Variants in CAMKMT observed in about 807,000 individuals in gnomAD.
The protein encoded by CAMKMT is CaM KMT.
A neutral mutation model predicts 48.0 loss-of-function variants in CAMKMT; 53 were observed. The ratio of observed to expected loss-of-function variants is 1.10; its 90% CI spans 0.89 to 1.39. CAMKMT has a LOEUF of 1.39. Among genes scored for constraint, CAMKMT ranks in the 40% most tolerant of loss-of-function variants. CAMKMT has a pLI of 0.00. For synonymous variants in CAMKMT, 165 were observed against 152.3 expected (o/e 1.08, Z -0.61); for missense variants, 428 against 402.7 (o/e 1.06, Z -0.54).
intron 3 of CAMKMT, among the ~76,000 whole-genome samples, chr2:44,563,050 A>G (rs918065039): frequency 2.0e-5 from 3 of 152,218 alleles, no homozygotes; most frequent in Non-Finnish European, 4.4e-5. Flanking sequence ...CTCCTATGCC[A>G]TAACTAGTGT....
At chr2:44,691,834 G>A (rs1229405919) in intron 3 of CAMKMT, among the ~76,000 whole-genome samples, 6 of 151,998 alleles carry the variant, frequency 3.9e-5, no homozygotes, top group Non-Finnish European at 8.8e-5. Context: ...CAGCATCAAC[G>A]TTCCATAAAT....
chr2:44,733,461 C>T (rs1363406218), intron 7 of CAMKMT, among the ~76,000 whole-genome samples: 1 of 152,082 alleles, frequency 6.6e-6, no homozygotes, highest in African/African-American at 2.4e-5. Flanking sequence ...CAGAAAGGGA[C>T]TGTAATCTCC....
chr2:44,629,779 A>G (rs557548397), intron 3 of CAMKMT, among the ~76,000 whole-genome samples: 66 of 152,334 alleles, frequency 4.3e-4, no homozygotes, highest in Admixed American at 9.8e-4. Context: ...TTCTATGCTC[A>G]CGGGTAGGAA....
intron 3 of CAMKMT, among the ~76,000 whole-genome samples, chr2:44,523,332 G>C (rs187656856): frequency 2.7e-5 from 4 of 146,492 alleles, no homozygotes; most frequent in African/African-American, 1.0e-4. Context: ...TCACTCTGTC[G>C]CCCAGGGTAT....
chr2:44,581,266 T>A (rs576192559), intron 3 of CAMKMT, among the ~76,000 whole-genome samples: 3 of 152,352 alleles, frequency 2.0e-5, no homozygotes, highest in Admixed American at 1.3e-4. Flanking sequence ...TGTATATAGC[T>A]GTTTATCATG....
intron 3 of CAMKMT, among the ~76,000 whole-genome samples, chr2:44,627,945 C>T (rs1479238107): frequency 6.6e-6 from 1 of 151,850 alleles, no homozygotes; most frequent in Non-Finnish European, 1.5e-5. Context: ...GGTGATCCAC[C>T]CACCTTCTCG....
intron 7 of CAMKMT, among the ~76,000 whole-genome samples, chr2:44,717,195 C>A (rs974152331): frequency 1.3e-5 from 2 of 152,132 alleles, no homozygotes; most frequent in Non-Finnish European, 2.9e-5. Context: ...GACATATAGA[C>A]TATATGTCAA....
intron 3 of CAMKMT, among the ~76,000 whole-genome samples, chr2:44,559,494 A>G (rs115952967): frequency 6.4e-4 from 97 of 152,204 alleles, no homozygotes; most frequent in African/African-American, 2.1e-3. Flanking sequence ...GACAACTCTC[A>G]TGGCTTTTGT....
At chr2:44,619,874 T>C (rs185098794) in intron 3 of CAMKMT, among the ~76,000 whole-genome samples, 2 of 152,340 alleles carry the variant, frequency 1.3e-5, no homozygotes, top group African/African-American at 4.8e-5. Context: ...ACTCATGTTT[T>C]CAAAGTGGAT....
intron 1 of CAMKMT, among the ~76,000 whole-genome samples, chr2:44,371,600 A>G (rs190577303): frequency 5.3e-5 from 8 of 152,360 alleles, no homozygotes; most frequent in Admixed American, 5.2e-4. Context: ...ATATAAAGCT[A>G]GAGAGAACAA....
At chr2:44,534,818 C>T (rs1374325787) in intron 3 of CAMKMT, among the ~76,000 whole-genome samples, 1 of 120,672 alleles carries the variant, frequency 8.3e-6, no homozygotes, top group Non-Finnish European at 2.0e-5. Context: ...CCTCAAGGAA[C>T]TTGAAAAGCA....
chr2:44,664,244 A>G (rs776515636), intron 3 of CAMKMT, among the ~76,000 whole-genome samples: 1 of 152,250 alleles, frequency 6.6e-6, no homozygotes, highest in African/African-American at 2.4e-5. Flanking sequence ...CTCTAAGACT[A>G]TACTTTTATG....
intron 3 of CAMKMT, among the ~76,000 whole-genome samples, chr2:44,674,446 A>C (rs1015911940): frequency 6.6e-6 from 1 of 152,186 alleles, no homozygotes; most frequent in Non-Finnish European, 1.5e-5. Context: ...GGGTTCGAAA[A>C]ATGTTAAATA....
chr2:44,375,960 G>T (rs1031632526), intron 2 of CAMKMT, among the ~76,000 whole-genome samples: 2 of 151,706 alleles, frequency 1.3e-5, no homozygotes, highest in African/African-American at 4.8e-5. Context: ...TAATTTTTTT[G>T]TATATTTAAT....
At chr2:44,630,829 G>A (rs1378303896) in intron 3 of CAMKMT, among the ~76,000 whole-genome samples, 2 of 151,720 alleles carry the variant, frequency 1.3e-5, no homozygotes, top group African/African-American at 4.9e-5. Flanking sequence ...CATTTGGGAA[G>A]TCAGTGTGGC....
chr2:44,701,677 T>G (rs1021054461), intron 3 of CAMKMT, among the ~76,000 whole-genome samples: 4 of 152,196 alleles, frequency 2.6e-5, no homozygotes, highest in Admixed American at 2.6e-4. Context: ...TCTCATCATA[T>G]CAACAACTTT....
At chr2:44,652,419 C>T (rs1000116496) in intron 3 of CAMKMT, among the ~76,000 whole-genome samples, 30 of 152,146 alleles carry the variant, frequency 2.0e-4, no homozygotes, top group African/African-American at 5.1e-4. Context: ...GCTCAGCGTC[C>T]GCAAGGGAAC....
At chr2:44,474,305 G>A (rs1668571905) in intron 3 of CAMKMT, among the ~76,000 whole-genome samples, 1 of 151,956 alleles carries the variant, frequency 6.6e-6, no homozygotes, top group African/African-American at 2.4e-5. Flanking sequence ...AAATTAGCCG[G>A]GTGTGGTGGC....
Position 44,707,405 on chromosome 2 carries a change from A to G in CAMKMT, c.499A>G (p.Ile167Val), listed in dbSNP as rs539533020. The G allele has an allele frequency of 8.1e-6, 13 of 1,610,770 alleles. No individual in the cohort carries two copies. The highest frequency in any genetic ancestry group is 1.3e-5 in the African/African-American group (1 of 74,408). Residue 167 changes from isoleucine (I) to valine (V), a missense_variant, in exon 6 of 11, where the codon ATT becomes GTT. Physicochemically the swap from Ile to Val is conservative, Grantham distance 29. Coordinates refer to ENST00000378494, the MANE Select transcript of CAMKMT (RefSeq NM_024766.5). The stretch of plus-strand genomic sequence containing the variant: ...GCTCCCTTTTTTTTTTCAGGTTGCT[A>G]TTTCTGCAGATGTCAAAGAAGTTCT... ...MTCLAGLMVA[I>V]SADVKEVLLT...
Sources: allele counts gnomAD v4.1 joint callset (sites outside exome capture counted in the v4.1 genomes callset), GRCh38; gene constraint gnomAD v4.1.1; transcripts MANE v1.5; gene names NCBI Gene and HGNC (gene_info 2026-07-23, HGNC 2026-07-21).